CCDC190: variants seen among roughly 807,000 people sequenced by gnomAD.
The protein encoded by CCDC190 is coiled-coil domain containing 190.
A neutral mutation model predicts 13.1 loss-of-function variants in CCDC190; 10 were observed. The observed-to-expected ratio is 0.77, with a 90% CI of 0.47 to 1.30. The LOEUF is 1.30. CCDC190 is among the 50% of genes most tolerant of loss of function. CCDC190 has a pLI of 0.00. For missense variants in CCDC190, 375 were observed against 354.3 expected, an observed-to-expected ratio of 1.06 and a Z score of -0.47; for synonymous variants, 136 against 127.2, an observed-to-expected ratio of 1.07 and a Z score of -0.47.
At chr1:162,856,042 C>A (rs1650291237) in intron 2 of CCDC190, 1 of 225,220 alleles carries the variant, frequency 4.4e-6, no homozygotes, top group Non-Finnish European at 8.7e-6. Context: ...TGAAACAGAG[C>A]CTGCCCTCAC....
intron 2 of CCDC190, 95 bp downstream of exon 2, chr1:162,859,365 G>T: frequency 1.8e-6 from 2 of 1,118,876 alleles, no homozygotes. Flanking sequence ...TGCTGTCTTG[G>T]CACTCAGAGC....
At position 162,854,903 on chromosome 1, in the gene CCDC190, A is replaced by G; in HGVS notation, c.768T>C (p.His256=). The G allele has an allele frequency of 1.2e-6, 2 of 1,614,040 alleles. No individual in the cohort carries two copies. Among genetic ancestry groups the G allele is most frequent in the East Asian group, 4.5e-5 (2 of 44,886 alleles). The change falls in exon 4 of 4, where the codon CAT becomes CAC. Residue 256 remains histidine, a synonymous_variant. Transcript: ENST00000367912. ...CAGGGGGGACCCTGTGCCGGAGATA[A>G]TGGGCATTTCTGGCCTTTGAAAGCA... ...LELLSKARNA[H]YLRHRVPPES... is the part of the protein sequence containing the mutation.
intron 2 of CCDC190, among the ~76,000 whole-genome samples, chr1:162,856,771 A>G (rs1373980472): frequency 6.6e-6 from 1 of 152,154 alleles, no homozygotes; most frequent in African/African-American, 2.4e-5. Flanking sequence ...ATTCTTTCAT[A>G]TGATCACTTC....
rs138379877 is a variant in CCDC190 at position 162,857,620 on chromosome 1, G to T, written c.187+1840C>A. ...CATACGTCCTCCTGACAAACTTCCC[G>T]CCCTTTCCCCCATTTTCCTCCTCCT... On this transcript the variant is annotated intron_variant, in intron 2 of 3. Coordinates refer to ENST00000367912, the MANE Select transcript of CCDC190 (RefSeq NM_001394065.1). Among the ~76,000 whole-genome samples, 95 of 152,072 alleles carry T rather than the reference G, an allele frequency of 6.2e-4. 1 individual carries two copies. Among genetic ancestry groups the T allele is most frequent in the African/African-American group, 2.1e-3 (89 of 41,482 alleles).
chr1:162,866,975 CA>C (rs1191592800), intron 1 of CCDC190, among the ~76,000 whole-genome samples: 2 of 151,684 alleles, frequency 1.3e-5, no homozygotes, highest in Admixed American at 1.3e-4. Flanking sequence ...AACATGCTGG[CA>C]AAAACTACAA....
intron 2 of CCDC190, among the ~76,000 whole-genome samples, chr1:162,856,465 C>T (rs765958077): frequency 3.9e-5 from 6 of 152,208 alleles, no homozygotes; most frequent in Non-Finnish European, 8.8e-5. Flanking sequence ...AGTGGATTGT[C>T]TCCTTCACCA....
chr1:162,853,308 T>A lies in CCDC190; in HGVS notation c.*1457A>T. 1 of 567,710 alleles carries A rather than the reference T, an allele frequency of 1.8e-6. No homozygotes were observed. The highest frequency in any genetic ancestry group is 3.0e-6 in the Non-Finnish European group (1 of 329,472). The allele number at this position is 567,710 out of a possible 1,614,324, so 35.2% of individuals were successfully genotyped here. A position where few individuals can be genotyped will look rare whatever the true frequency, so the allele number is the denominator to read the frequency against. On this transcript the variant is annotated 3_prime_UTR_variant, in exon 4 of 4. Transcript: ENST00000367912. ...CCATCTATTAGCAAGTTACCACCAC[T>A]CTTCCCTCTATTTCCTTATCTGTAA...
chr1:162,863,707 G>A (rs377648003), upstream of CCDC190, among the ~76,000 whole-genome samples: 16 of 152,244 alleles, frequency 1.1e-4, no homozygotes, highest in South Asian at 3.3e-3. Context: ...AGAATTAGCA[G>A]GGTACAGTAG....
intron 3 of CCDC190, 74 bp downstream of exon 3, chr1:162,855,558 A>C: frequency 6.3e-7 from 1 of 1,576,600 alleles, no homozygotes; most frequent in Non-Finnish European, 8.6e-7. Flanking sequence ...TTTCTTCAGG[A>C]AAACAGTTTA....
chr1:162,863,600 A>G (rs1650598487), upstream of CCDC190, among the ~76,000 whole-genome samples: 1 of 152,196 alleles, frequency 6.6e-6, no homozygotes, highest in African/African-American at 2.4e-5. Flanking sequence ...TACTGTCTGG[A>G]AAGGGTTTCC....
At position 162,851,453 on chromosome 1, in the gene CCDC190, C is replaced by T. The variant is rs376958304; in HGVS notation, c.*3312G>A. The stretch of plus-strand genomic sequence containing the variant: ...CCCAAGCGTGATTCCCTCTGTCCTT[C>T]CTTCAAGGCTCATTTCACCCTGAGA... On this transcript the variant is annotated 3_prime_UTR_variant, in exon 4 of 4. Coordinates refer to ENST00000367912, the MANE Select transcript of CCDC190 (RefSeq NM_001394065.1). The T allele has an allele frequency of 3.9e-4, 59 of 152,248 alleles. No individual in the cohort carries two copies. The highest frequency in any genetic ancestry group is 1.4e-3 in the African/African-American group (58 of 41,500). 9.4% of individuals were successfully genotyped at this position (152,248 alleles called of 1,614,324 possible). A position where few individuals can be genotyped will look rare whatever the true frequency, so the allele number is the denominator to read the frequency against.
chr1:162,857,792 G>C (rs933593844), intron 2 of CCDC190, among the ~76,000 whole-genome samples: 7 of 152,090 alleles, frequency 4.6e-5, no homozygotes, highest in Non-Finnish European at 1.0e-4. Context: ...CGGAACTACT[G>C]TCCAATTTAA....
At chr1:162,868,742 A>G (rs1341475391) in exon 1 of CCDC190, 1 of 28,720 alleles carries the variant, frequency 3.5e-5, no homozygotes, top group East Asian at 3.8e-4. Context: ...ATCTCCTAGC[A>G]GGCCATTCCT....
chr1:162,863,231 GTAGTCAAAACAC>G (rs1392806014), upstream of CCDC190, among the ~76,000 whole-genome samples: 540 of 152,260 alleles, frequency 3.5e-3, 3 homozygotes, highest in African/African-American at 0.012. Context: ...ACACCCTTTT[GTAGTCAAAACAC>G]ATCTGGAATC....
chr1:162,854,443 T>C lies in CCDC190; in HGVS notation c.*322A>G, dbSNP rs137896262. ...AGCAGGTGGCACCATGAGAATCTCC[T>C]AGAGGAAACAGGAAGTCCCTGAAAG... On this transcript the variant is annotated 3_prime_UTR_variant, in exon 4 of 4. Coordinates refer to ENST00000367912, the MANE Select transcript of CCDC190 (RefSeq NM_001394065.1). The C allele has an allele frequency of 6.5e-6, 7 of 1,082,994 alleles. No homozygotes were observed. In the African/African-American group the frequency reaches 8.2e-5, roughly 13 times the overall value. 67.1% of individuals were successfully genotyped at this position (1,082,994 alleles called of 1,614,324 possible).
Position 162,854,573 on chromosome 1 carries a change from C to A in CCDC190, c.*192G>T. 1 of 1,358,638 alleles carries A rather than the reference C, an allele frequency of 7.4e-7. No individual in the cohort carries two copies. Among genetic ancestry groups the A allele is most frequent in the Non-Finnish European group, 9.5e-7 (1 of 1,057,914 alleles). 84.2% of individuals were successfully genotyped at this position (1,358,638 alleles called of 1,614,324 possible). On this transcript the variant is annotated 3_prime_UTR_variant, in exon 4 of 4. Transcript: ENST00000367912. ...AATATTTTCAGAAGATTCATTCTTCCTCTCCTTTTTCATATATTAGCATTG... is the reference window on the plus strand; with the variant it reads ...AATATTTTCAGAAGATTCATTCTTCATCTCCTTTTTCATATATTAGCATTG...
intron 1 of CCDC190, among the ~76,000 whole-genome samples, chr1:162,860,536 G>T (rs549025459): frequency 6.6e-6 from 1 of 151,846 alleles, no homozygotes; most frequent in East Asian, 1.9e-4. Flanking sequence ...GATATAAACA[G>T]ATTGCTGTCA....
Position 162,853,171 on chromosome 1 carries a change from C to A in CCDC190, c.*1594G>T. On this transcript the variant is annotated 3_prime_UTR_variant, in exon 4 of 4. Coordinates refer to ENST00000367912, the MANE Select transcript of CCDC190 (RefSeq NM_001394065.1). ...AAGGCCAGAGGCTGGGCTGATGAAA[C>A]TGACTCTCAAATGTTTGATCTAAGT... is the stretch of plus-strand genomic sequence containing the variant. The A allele has an allele frequency of 6.5e-7, 1 of 1,539,868 alleles. No individual in the cohort carries two copies. The highest frequency in any genetic ancestry group is 1.4e-5 in the African/African-American group (1 of 72,724).
chr1:162,859,640 T>G lies in CCDC190; in HGVS notation c.7A>C (p.Arg3=). The change falls in exon 2 of 4, where the codon AGG becomes CGG. Residue 3 remains arginine, a synonymous_variant. Coordinates refer to ENST00000367912, the MANE Select transcript of CCDC190 (RefSeq NM_001394065.1). ...TACAATTGTCCCCTGACCATGTGCC[T>G]CTCCATCTTCTTTATGGTCTAGAGA... is the stretch of plus-strand genomic sequence containing the variant. ME[R]HMVRGQLYKH... 4 of 1,612,896 alleles carry G rather than the reference T, an allele frequency of 2.5e-6. No individual in the cohort carries two copies. Among genetic ancestry groups the G allele is most frequent in the Non-Finnish European group, 2.5e-6 (3 of 1,179,450 alleles).
Sources: gnomAD v4.1 joint callset for allele counts (sites outside exome capture counted in the v4.1 genomes callset) on GRCh38, gnomAD v4.1.1 for gene constraint, MANE v1.5 for transcripts, NCBI Gene and HGNC (gene_info 2026-07-23, HGNC 2026-07-21) for gene names.